The following VAV2 variants were observed in gnomAD, a reference collection of about 807,000 sequenced individuals.
The protein encoded by VAV2 is guanine nucleotide exchange factor VAV2.
In VAV2, 67 loss-of-function variants were observed where a neutral mutation model predicts 132.5. The observed-to-expected ratio is 0.51, with a 90% confidence interval of 0.42 to 0.62. VAV2 has a LOEUF of 0.62. Ranked by LOEUF, VAV2 falls within the 20% of genes least tolerant of loss-of-function variation. The pLI is 0.00. For synonymous variants in VAV2, 492 were observed against 443.5 expected (o/e 1.11, Z -1.37); for missense variants, 938 against 1,153.6 (o/e 0.81, Z 2.71).
intron 2 of VAV2, among the ~76,000 whole-genome samples, chr9:133,915,469 C>A (rs1351566547): frequency 6.6e-6 from 1 of 152,184 alleles, no homozygotes; most frequent in East Asian, 1.9e-4. Context: ...AAAAAAATGC[C>A]GGACAAGGGG....
intron 9 of VAV2, 140 bp downstream of exon 9, chr9:133,805,941 C>T: frequency 1.1e-6 from 1 of 908,508 alleles, no homozygotes; most frequent in Non-Finnish European, 1.6e-6. Context: ...GCATCCTCAA[C>T]AAGGGAGGAC....
In VAV2 at chr9:133,823,546, C is replaced by T. The variant is rs757714139; in HGVS notation, c.449+10726G>A. Among the ~76,000 whole-genome samples the T allele has an allele frequency of 7.8e-4, 119 of 152,110 alleles. 1 individual carries two copies. The highest frequency in any genetic ancestry group is 1.6e-3 in the Non-Finnish European group (107 of 68,026). ...TCTACGCTGAATACAAGGGAAATAA[C>T]GTCAAAAGGGAGAAGTCTTCCTCTT... On this transcript the variant is annotated intron_variant, in intron 4 of 29. Coordinates refer to ENST00000371850, the MANE Select transcript of VAV2 (RefSeq NM_001134398.2). The surrounding 1 kb of genome is among the most constrained non-coding windows in gnomAD (Gnocchi z 5.5).
At chr9:133,798,495 C>T (rs558457716) in intron 9 of VAV2, among the ~76,000 whole-genome samples, 3 of 152,344 alleles carry the variant, frequency 2.0e-5, no homozygotes, top group South Asian at 4.1e-4. Flanking sequence ...TTGTGCTGGT[C>T]TCTTTAGCCA....
At chr9:133,856,891 TCA>T (rs1163531418) in intron 3 of VAV2, among the ~76,000 whole-genome samples, 3 of 152,158 alleles carry the variant, frequency 2.0e-5, no homozygotes, top group Non-Finnish European at 4.4e-5. Flanking sequence ...CTTTTCCTCG[TCA>T]CACTCTCAGG....
chr9:133,976,807 C>T (rs1480292925), intron 1 of VAV2, among the ~76,000 whole-genome samples: 1 of 152,238 alleles, frequency 6.6e-6, no homozygotes, highest in Admixed American at 6.5e-5. Flanking sequence ...TATTCTACTG[C>T]ATGGACGGAC....
At chr9:133,964,070 A>ATGTATAT (rs1564507864) in intron 1 of VAV2, among the ~76,000 whole-genome samples, 1 of 89,384 alleles carries the variant, frequency 1.1e-5, no homozygotes, top group African/African-American at 3.7e-5. Flanking sequence ...CATATATATA[A>ATGTATAT]ATGAATAGGC....
intron 2 of VAV2, among the ~76,000 whole-genome samples, chr9:133,915,295 CACG>C (rs1042446762): frequency 3.3e-5 from 5 of 152,160 alleles, no homozygotes; most frequent in African/African-American, 1.2e-4. Flanking sequence ...CACGTGGTTT[CACG>C]ACTACACTTT....
At chr9:133,831,218 C>T (rs1836249607) in intron 4 of VAV2, among the ~76,000 whole-genome samples, 1 of 152,074 alleles carries the variant, frequency 6.6e-6, no homozygotes, top group Admixed American at 6.5e-5. Flanking sequence ...GGTGGATCAC[C>T]TGAGGTCAGG....
intron 1 of VAV2, among the ~76,000 whole-genome samples, chr9:133,945,401 T>G (rs1841323051): frequency 6.6e-6 from 1 of 152,200 alleles, no homozygotes; most frequent in African/African-American, 2.4e-5. Context: ...CTGACCTGAT[T>G]GATCGGCACA....
At chr9:133,855,315 C>A (rs1027300983) in intron 3 of VAV2, among the ~76,000 whole-genome samples, 1 of 152,216 alleles carries the variant, frequency 6.6e-6, no homozygotes, top group Non-Finnish European at 1.5e-5. Flanking sequence ...ACGGAGCCTC[C>A]GGCTGAGATG....
At position 133,991,724 on chromosome 9, in the gene VAV2, G is replaced by A. The variant is rs1276714892; in HGVS notation, c.204+351C>T. ...ACCCACGACGCGCACACCCGGCTCG[G>A]CAGGCTCCCTGGGAAATGAGGGGCC... On this transcript the variant is annotated intron_variant, in intron 1 of 29. Coordinates refer to ENST00000371850, the MANE Select transcript of VAV2 (RefSeq NM_001134398.2). The surrounding 1 kb of genome is among the most constrained non-coding windows in gnomAD (Gnocchi z 4.8). 3.3e-5 allele frequency among the ~76,000 whole-genome samples: 5 copies of A among 151,492 alleles called. No homozygotes were observed. The highest frequency in any genetic ancestry group is 2.1e-4 in the South Asian group (1 of 4,834).
Position 133,961,244 on chromosome 9 carries a change from A to G in VAV2, c.205-22025T>C, listed in dbSNP as rs183791850. Among the ~76,000 whole-genome samples the G allele has an allele frequency of 1.2e-4, 19 of 152,370 alleles. No individual in the cohort carries two copies. The highest frequency in any genetic ancestry group is 1.0e-3 in the Admixed American group (16 of 15,312). ...TTTGATCTCAGAGGAGTGTCCATTAAGAGTAGGGTTCCTCACTCTCAGAGC... is the reference window on the plus strand; with the variant it reads ...TTTGATCTCAGAGGAGTGTCCATTAGGAGTAGGGTTCCTCACTCTCAGAGC... On this transcript the variant is annotated intron_variant, in intron 1 of 29. Coordinates refer to ENST00000371850, the MANE Select transcript of VAV2 (RefSeq NM_001134398.2). The surrounding 1 kb of genome is among the most constrained non-coding windows in gnomAD (Gnocchi z 4.1).
In VAV2 at chr9:133,928,734, C is replaced by T. The variant is rs1305253853; in HGVS notation, c.321+10369G>A. Reference sequence around the variant, plus strand: ...TTCTCCCCTGGCCAGACAGAGCCTGCGGGACACATTCATCAACGCAGATGT... The same window carrying T: ...TTCTCCCCTGGCCAGACAGAGCCTGTGGGACACATTCATCAACGCAGATGT... On this transcript the variant is annotated intron_variant, in intron 2 of 29. Coordinates refer to ENST00000371850, the MANE Select transcript of VAV2 (RefSeq NM_001134398.2). The surrounding 1 kb of genome is among the most constrained non-coding windows in gnomAD (Gnocchi z 5.4). Among the ~76,000 whole-genome samples, 3 of 152,180 alleles carry T rather than the reference C, an allele frequency of 2.0e-5. No homozygotes were observed. The highest frequency in any genetic ancestry group is 1.9e-4 in the East Asian group (1 of 5,196).
At chr9:133,987,531 G>A (rs556403332) in intron 1 of VAV2, among the ~76,000 whole-genome samples, 33 of 152,380 alleles carry the variant, frequency 2.2e-4, no homozygotes, top group African/African-American at 7.2e-4. Flanking sequence ...GGCGTGTCCG[G>A]GAAGAGGCAG....
Position 133,788,229 on chromosome 9 carries a change from C to T in VAV2, c.1407+125G>A. 6.3e-6 allele frequency: 5 copies of T among 788,386 alleles called. 2 individuals carry two copies. The highest frequency in any genetic ancestry group is 5.2e-5 in the African/African-American group (3 of 57,688). The allele number at this position is 788,386 out of a possible 1,614,324, so 48.8% of individuals were successfully genotyped here. A position where few individuals can be genotyped will look rare whatever the true frequency, so the allele number is the denominator to read the frequency against. ...TTCCTGCAGAGCGGAGACGCCCACC[C>T]CAACCCACCCGGCCAGCATCAGCGG... On this transcript the variant is annotated intron_variant, in intron 15 of 29. Coordinates refer to ENST00000371850, the MANE Select transcript of VAV2 (RefSeq NM_001134398.2). This position sits in a 1 kb window ranked among gnomAD's most constrained non-coding sequence, Gnocchi z 5.3.
In VAV2 at chr9:133,961,913, C is replaced by T. The variant is rs1164199712; in HGVS notation, c.205-22694G>A. On this transcript the variant is annotated intron_variant, in intron 1 of 29. Coordinates refer to ENST00000371850, the MANE Select transcript of VAV2 (RefSeq NM_001134398.2). This position sits in a 1 kb window ranked among gnomAD's most constrained non-coding sequence, Gnocchi z 4.1. The stretch of plus-strand genomic sequence containing the variant: ...CCCAGAGGGTGCCCCCACCCTGACT[C>T]CTCACCCCACGGTGGCCCCTGCCAG... Among the ~76,000 whole-genome samples the T allele has an allele frequency of 6.6e-6, 1 of 152,170 alleles. No homozygotes were observed. Among genetic ancestry groups the T allele is most frequent in the East Asian group, 1.9e-4 (1 of 5,170 alleles).
intron 2 of VAV2, among the ~76,000 whole-genome samples, chr9:133,910,862 C>T (rs1404869278): frequency 6.0e-5 from 9 of 150,650 alleles, no homozygotes; most frequent in Non-Finnish European, 1.0e-4. Flanking sequence ...AAACTGGGGA[C>T]AGAAATGCAG....
chr9:133,968,717 G>A lies in VAV2; in HGVS notation c.204+23358C>T, dbSNP rs12684783. Among the ~76,000 whole-genome samples the A allele has an allele frequency of 1.7e-3, 253 of 152,300 alleles. 1 individual carries two copies. Among genetic ancestry groups the A allele is most frequent in the East Asian group, 0.012 (61 of 5,188 alleles). ...GAGCCACCATCGGCCTCTGCCTCTC[G>A]TGCAGCTTCAGACCATGGCACTGTC... On this transcript the variant is annotated intron_variant, in intron 1 of 29. Coordinates refer to ENST00000371850, the MANE Select transcript of VAV2 (RefSeq NM_001134398.2).
intron 1 of VAV2, among the ~76,000 whole-genome samples, chr9:133,958,300 C>T (rs985150782): frequency 2.1e-5 from 3 of 141,550 alleles, no homozygotes; most frequent in African/African-American, 7.6e-5. Context: ...TGGAATGTCT[C>T]GGTATAAAAC....
Sources: gnomAD v4.1 joint callset for allele counts (sites outside exome capture counted in the v4.1 genomes callset) on GRCh38, gnomAD v4.1.1 for gene constraint, Gnocchi (gnomAD v3.1) non-coding constraint, MANE v1.5 for transcripts, NCBI Gene and HGNC (gene_info 2026-07-23, HGNC 2026-07-21) for gene names.